Variants in ANKRD36C observed in about 807,000 individuals in gnomAD.
The protein encoded by ANKRD36C is ankyrin repeat domain-containing protein 36C.
A neutral mutation model predicts 276.4 loss-of-function variants in ANKRD36C; 61 were observed. The ratio of observed to expected loss-of-function variants is 0.22; its 90% confidence interval spans 0.18 to 0.27. The LOEUF is 0.27. ANKRD36C is among the 10% of genes least tolerant of loss of function. The pLI is 1.00. For missense variants in ANKRD36C, 1,447 were observed against 2,032.3 expected (o/e 0.71, Z 5.54); for synonymous variants, 483 against 680.1 (o/e 0.71, Z 4.51).
chr2:95,917,693 G>A (rs374481473), intron 36 of ANKRD36C, among the ~76,000 whole-genome samples, 162 bp downstream of exon 38: 2 of 151,520 alleles, frequency 1.3e-5, no homozygotes, highest in African/African-American at 2.4e-5. Flanking sequence ...CAGCATTAGC[G>A]CCACCCAAGA....
chr2:95,871,440 A>G (rs1347387658), intron 59 of ANKRD36C, among the ~76,000 whole-genome samples: 1 of 152,162 alleles, frequency 6.6e-6, no homozygotes, highest in African/African-American at 2.4e-5. Context: ...AAGGAGAAAT[A>G]AAATACTTTA....
At chr2:95,864,105 T>A (rs192444861) in intron 60 of ANKRD36C, among the ~76,000 whole-genome samples, 1,633 of 151,946 alleles carry the variant, frequency 0.011, 11 homozygotes, top group Non-Finnish European at 0.017. Flanking sequence ...AACCTCCCTC[T>A]CAATTTTGAC....
chr2:95,970,653 T>A (rs1000447618), intron 6 of ANKRD36C, among the ~76,000 whole-genome samples: 1 of 152,152 alleles, frequency 6.6e-6, no homozygotes, highest in Non-Finnish European at 1.5e-5. Context: ...GAGAACCTAG[T>A]TATAAGTGAG....
Position 95,854,250 on chromosome 2 carries a change from C to T in ANKRD36C, c.4996-389G>A, listed in dbSNP as rs569109565. Among the ~76,000 whole-genome samples the T allele has an allele frequency of 2.0e-5, 3 of 151,186 alleles. No homozygotes were observed. In the East Asian group the frequency reaches 5.8e-4, roughly 29 times the overall value. ...GAAACTCAAATCAACCTCAGAGTTC[C>T]TCACATTAAATCATCTGCTTAAATC... On this transcript the variant is annotated intron_variant, in intron 63 of 66. Transcript: ENST00000456556.
intron 42 of ANKRD36C, among the ~76,000 whole-genome samples, chr2:95,911,806 T>G (rs1676934602): frequency 6.6e-6 from 1 of 151,460 alleles, no homozygotes; most frequent in African/African-American, 2.4e-5. Context: ...ATTCGGAAAT[T>G]AATTGCTACA....
chr2:95,975,701 C>A (rs898887013), intron 6 of ANKRD36C, among the ~76,000 whole-genome samples: 1 of 152,202 alleles, frequency 6.6e-6, no homozygotes, highest in African/African-American at 2.4e-5. Flanking sequence ...CAATACCATT[C>A]AGGACACAGG....
chr2:95,991,358 C>T (rs562778766), intron 1 of ANKRD36C, among the ~76,000 whole-genome samples, 154 bp downstream of exon 1: 1 of 108,864 alleles, frequency 9.2e-6, no homozygotes, highest in Admixed American at 9.6e-5. Flanking sequence ...CCCCAGGCCC[C>T]GCTCCACTCA....
At chr2:95,914,515 A>G (rs1283099964) in intron 38 of ANKRD36C, among the ~76,000 whole-genome samples, 1 of 151,420 alleles carries the variant, frequency 6.6e-6, no homozygotes, top group Non-Finnish European at 1.5e-5. Context: ...AGAATTTCAA[A>G]CATGGTATGA....
At chr2:95,919,348 T>G (rs1677203015) in intron 34 of ANKRD36C, among the ~76,000 whole-genome samples, 1 of 133,766 alleles carries the variant, frequency 7.5e-6, no homozygotes, top group South Asian at 2.3e-4. Flanking sequence ...ATCAGTTTTC[T>G]GTCTTTTCTT....
intron 36 of ANKRD36C, among the ~76,000 whole-genome samples, chr2:95,917,448 T>A (rs1677133613): frequency 6.6e-6 from 1 of 151,608 alleles, no homozygotes; most frequent in Non-Finnish European, 1.5e-5. Flanking sequence ...ACAGTGTCTA[T>A]GGATTATTAC....
At chr2:95,894,532 T>C (rs1022886595) in intron 44 of ANKRD36C, among the ~76,000 whole-genome samples, 2 of 151,464 alleles carry the variant, frequency 1.3e-5, no homozygotes, top group Non-Finnish European at 3.0e-5. Flanking sequence ...ATGATCACTC[T>C]AGGACTTAAT....
chr2:95,937,957 C>A (rs1163346499), intron 22 of ANKRD36C, among the ~76,000 whole-genome samples: 1 of 71,958 alleles, frequency 1.4e-5, no homozygotes, highest in Non-Finnish European at 3.0e-5. Flanking sequence ...AGTCATAAAA[C>A]AAATCAAATA....
intron 3 of ANKRD36C, among the ~76,000 whole-genome samples, chr2:95,986,018 C>G (rs902359819): frequency 1.3e-5 from 2 of 152,130 alleles, no homozygotes; most frequent in Non-Finnish European, 2.9e-5. Flanking sequence ...CACCACTATT[C>G]ACTGCCAACC....
intron 60 of ANKRD36C, among the ~76,000 whole-genome samples, chr2:95,860,782 G>A (rs984677767): frequency 4.6e-5 from 7 of 152,128 alleles, no homozygotes; most frequent in African/African-American, 1.7e-4. Flanking sequence ...TGAGAGGCCA[G>A]TAAAACGAAA....
chr2:95,959,999 G>C (rs2104503293), intron 10 of ANKRD36C, among the ~76,000 whole-genome samples: 1 of 152,236 alleles, frequency 6.6e-6, no homozygotes, highest in South Asian at 2.1e-4. Flanking sequence ...CCTTCTTCCT[G>C]CCTCACAATC....
chr2:95,927,365 A>G lies in ANKRD36C; in HGVS notation c.1866+16T>C, dbSNP rs754462607. 3 of 1,606,508 alleles carry G rather than the reference A, an allele frequency of 1.9e-6. No homozygotes were observed. Among genetic ancestry groups the G allele is most frequent in the African/African-American group, 1.3e-5 (1 of 74,642 alleles). Reference sequence around the variant, plus strand: ...ATACAGTTAATAGTTCAACATATAAATGAGTCTTTAATTACCTTCTCAGCT... The same window carrying G: ...ATACAGTTAATAGTTCAACATATAAGTGAGTCTTTAATTACCTTCTCAGCT... On this transcript the variant is annotated intron_variant, in intron 27 of 66. Coordinates refer to ENST00000456556, the Ensembl canonical transcript of ANKRD36C.
chr2:95,894,670 T>G (rs1432747162), intron 44 of ANKRD36C, among the ~76,000 whole-genome samples: 5 of 151,418 alleles, frequency 3.3e-5, no homozygotes, highest in African/African-American at 1.2e-4. Flanking sequence ...GCCAACGTAT[T>G]CATATTCACG....
chr2:95,892,990 C>A (rs1285321904), intron 44 of ANKRD36C, among the ~76,000 whole-genome samples: 2 of 150,816 alleles, frequency 1.3e-5, no homozygotes, highest in Admixed American at 1.3e-4. Flanking sequence ...ATTCCAAATG[C>A]ATCTGAAGTG....
chr2:95,919,493 A>G (rs1219300034), intron 34 of ANKRD36C, among the ~76,000 whole-genome samples: 1 of 132,212 alleles, frequency 7.6e-6, no homozygotes, highest in Non-Finnish European at 1.7e-5. Flanking sequence ...TGCTCTCCCT[A>G]TTTCTTCTTC....
Sources: allele counts gnomAD v4.1 joint callset (sites outside exome capture counted in the v4.1 genomes callset), GRCh38; gene constraint gnomAD v4.1.1; transcripts MANE v1.5; gene names NCBI Gene and HGNC (gene_info 2026-07-23, HGNC 2026-07-21).